The following LGALS3BP variants were observed in gnomAD, a reference collection of about 807,000 sequenced individuals.
LGALS3BP encodes galectin-3-binding protein.
In LGALS3BP, 25 loss-of-function variants were observed where a neutral mutation model predicts 22.9. The observed-to-expected ratio is 1.09, with a 90% CI of 0.80 to 1.53. LGALS3BP has a LOEUF of 1.53. LGALS3BP is among the 40% of genes most tolerant of loss of function. The pLI, the probability that LGALS3BP is intolerant of heterozygous loss-of-function variation, is 0.00. For missense variants in LGALS3BP, 718 were observed against 752.0 expected (o/e 0.95, Z 0.53); for synonymous variants, 335 against 331.1 (o/e 1.01, Z -0.13).
At position 78,971,904 on chromosome 17, in the gene LGALS3BP, G is replaced by C. The variant is rs1249503578; in HGVS notation, c.1430C>G (p.Ser477Cys). ...GGTGGGGAGGTAGACCAGGGACCAGGACACCCTCTTGTCCTGGAAGAGGAA... is the reference window on the plus strand; with the variant it reads ...GGTGGGGAGGTAGACCAGGGACCAGCACACCCTCTTGTCCTGGAAGAGGAA... ...PSFLFQDKRV[S>C]WSLVYLPTIQ... The change falls in exon 6 of 6, where the codon TCC becomes TGC. Residue 477 changes from serine (S) to cysteine (C), a missense_variant. Ser to Cys is a moderately radical substitution (Grantham distance 112). Coordinates refer to ENST00000262776, the MANE Select transcript of LGALS3BP (RefSeq NM_005567.4). The surrounding 1 kb of genome is among the most constrained non-coding windows in gnomAD (Gnocchi z 5.6). 6.2e-7 allele frequency: 1 copy of C among 1,614,066 alleles called. No individual in the cohort carries two copies. Among genetic ancestry groups the C allele is most frequent in the Non-Finnish European group, 8.5e-7 (1 of 1,180,042 alleles).
chr17:78,974,866 C>T (rs780196421), intron 3 of LGALS3BP, 47 bp from the exon 4 acceptor site: 1 of 1,600,676 alleles, frequency 6.2e-7, no homozygotes, highest in East Asian at 2.2e-5. Flanking sequence ...CGACTGCACC[C>T]AGGAGTCCCA....
At position 78,976,254 on chromosome 17, in the gene LGALS3BP, C is replaced by A; in HGVS notation, c.53-98G>T. On this transcript the variant is annotated intron_variant, in intron 2 of 5. Coordinates refer to ENST00000262776, the MANE Select transcript of LGALS3BP (RefSeq NM_005567.4). The surrounding 1 kb of genome is among the most constrained non-coding windows in gnomAD (Gnocchi z 4.6). ...GCTGTCCTGGGTCTCCCCTGCTGAG[C>A]TTGTATTTCAGGGCTTCAAGGTCCC... The A allele has an allele frequency of 2.6e-6, 3 of 1,137,626 alleles. No individual in the cohort carries two copies. Among genetic ancestry groups the A allele is most frequent in the Middle Eastern group, 2.4e-4 (1 of 4,244 alleles). 70.5% of individuals were successfully genotyped at this position (1,137,626 alleles called of 1,614,324 possible).
intron 2 of LGALS3BP, 59 bp downstream of exon 2, chr17:78,977,081 C>A: frequency 6.3e-7 from 1 of 1,575,120 alleles, no homozygotes. Context: ...CTGAGCAGCC[C>A]CAGGGTGCAC....
Position 78,971,595 on chromosome 17 carries a change from T to C in LGALS3BP, c.1739A>G (p.Asn580Ser), listed in dbSNP as rs201810212. ...RTVIRPFYLT[N>S]SSGVD ...CGCCGTCTAGTCCACACCTGAGGAGTTGGTCAGGTAGAAGGGGCGGATGAC... is the reference window on the plus strand; with the variant it reads ...CGCCGTCTAGTCCACACCTGAGGAGCTGGTCAGGTAGAAGGGGCGGATGAC... Residue 580 changes from asparagine (N) to serine (S), a missense_variant, in exon 6 of 6, where the codon AAC becomes AGC. Coordinates refer to ENST00000262776, the MANE Select transcript of LGALS3BP (RefSeq NM_005567.4). This position sits in a 1 kb window ranked among gnomAD's most constrained non-coding sequence, Gnocchi z 5.6. 107 of 1,613,034 alleles carry C rather than the reference T, an allele frequency of 6.6e-5. No individual in the cohort carries two copies. The Admixed American group carries it at 8.8e-4, about 13-fold the overall frequency.
At position 78,972,037 on chromosome 17, in the gene LGALS3BP, G is replaced by T; in HGVS notation, c.1297C>A (p.Gln433Lys). The change falls in exon 6 of 6, where the codon CAG becomes AAG. Residue 433 changes from glutamine (Q) to lysine (K), a missense_variant. Transcript: ENST00000262776. This position sits in a 1 kb window ranked among gnomAD's most constrained non-coding sequence, Gnocchi z 5.1. Reference protein sequence around the residue: ...WSARKSQLVYQSRRGPLVKYS... With the variant: ...WSARKSQLVYKSRRGPLVKYS... Reference sequence around the variant, plus strand: ...TTGACCAAAGGCCCCCGTCTGGACTGATAGACCAGTTGTGACTTCCGTGCA... The same window carrying T: ...TTGACCAAAGGCCCCCGTCTGGACTTATAGACCAGTTGTGACTTCCGTGCA... 1 of 1,614,116 alleles carries T rather than the reference G, an allele frequency of 6.2e-7. No homozygotes were observed. Among genetic ancestry groups the T allele is most frequent in the South Asian group, 1.1e-5 (1 of 91,084 alleles).
chr17:78,977,543 G>A (rs2070732031), intron 1 of LGALS3BP: 1 of 295,618 alleles, frequency 3.4e-6, no homozygotes, highest in Non-Finnish European at 6.4e-6. Flanking sequence ...CAGGCCCCGG[G>A]CAAGGCTGCC....
Position 78,973,236 on chromosome 17 carries a change from G to T in LGALS3BP, c.377-14C>A. On this transcript the variant is annotated splice_polypyrimidine_tract_variant and intron_variant, in intron 4 of 5. Coordinates refer to ENST00000262776, the MANE Select transcript of LGALS3BP (RefSeq NM_005567.4). The surrounding 1 kb of genome is among the most constrained non-coding windows in gnomAD (Gnocchi z 5.8). ...TGCTCCTGGTTTCTAAGAAGGGGCG[G>T]GAGGGAAGTGGGCTGCGTTAGGAGC... 1 of 1,507,000 alleles carries T rather than the reference G, an allele frequency of 6.6e-7. No homozygotes were observed. 93.4% of individuals were successfully genotyped at this position (1,507,000 alleles called of 1,614,324 possible).
intron 1 of LGALS3BP, 152 bp from the exon 2 acceptor site, chr17:78,977,366 T>C (rs2070730398): frequency 1.6e-6 from 1 of 631,056 alleles, no homozygotes; most frequent in South Asian, 1.9e-5. Context: ...CCAGTAAGTG[T>C]GACGTGTGCT....
chr17:78,977,395 G>T, intron 1 of LGALS3BP, 181 bp from the exon 2 acceptor site: 3 of 588,070 alleles, frequency 5.1e-6, no homozygotes, highest in Non-Finnish European at 9.0e-6. Flanking sequence ...CCCCGCGGGG[G>T]CCCCTCACCT....
Position 78,972,549 on chromosome 17 carries a change from T to C in LGALS3BP, c.785A>G (p.Asp262Gly). ...TGTGGCCACTGCATAGGCATACAGGTCCAGGGGCATCTGGAACGAGGGGTC... is the reference window on the plus strand; with the variant it reads ...TGTGGCCACTGCATAGGCATACAGGCCCAGGGGCATCTGGAACGAGGGGTC... ...PQDPSFQMPL[D>G]LYAYAVATGD... The change falls in exon 6 of 6, where the codon GAC becomes GGC. Residue 262 changes from aspartate (D) to glycine (G), a missense_variant. Coordinates refer to ENST00000262776, the MANE Select transcript of LGALS3BP (RefSeq NM_005567.4). This position sits in a 1 kb window ranked among gnomAD's most constrained non-coding sequence, Gnocchi z 5.1. 6.2e-7 allele frequency: 1 copy of C among 1,605,838 alleles called. No homozygotes were observed. Among genetic ancestry groups the C allele is most frequent in the East Asian group, 2.2e-5 (1 of 44,668 alleles).
intron 1 of LGALS3BP, among the ~76,000 whole-genome samples, chr17:78,978,403 C>G (rs908521532): frequency 6.6e-6 from 1 of 152,218 alleles, no homozygotes; most frequent in African/African-American, 2.4e-5. Flanking sequence ...GAGGCCTTAC[C>G]GTGACCCTGA....
rs1225163971 is a variant in LGALS3BP, at chr17:78,971,717, G to T, written c.1617C>A (p.Gly539=). ...LFVADVTDFE[G]WKAAIPSALD... ...GGGCACTGGGAATCGCAGCCTTCCA[G>T]CCCTCGAAATCGGTGACGTCTGCCA... Residue 539 remains glycine, a synonymous_variant, in exon 6 of 6, where the codon GGC becomes GGA. Transcript: ENST00000262776. The surrounding 1 kb of genome is among the most constrained non-coding windows in gnomAD (Gnocchi z 5.6). 6.2e-7 allele frequency: 1 copy of T among 1,613,922 alleles called. No individual in the cohort carries two copies. Among genetic ancestry groups the T allele is most frequent in the Admixed American group, 1.7e-5 (1 of 60,002 alleles).
chr17:78,973,171 A>G lies in LGALS3BP; in HGVS notation c.428T>C (p.Leu143Pro). 1 of 1,602,412 alleles carries G rather than the reference A, an allele frequency of 6.2e-7. No homozygotes were observed. The highest frequency in any genetic ancestry group is 1.7e-5 in the Admixed American group (1 of 58,300). ...LDLSRELSEA[L>P]GQIFDSQRGC... The stretch of plus-strand genomic sequence containing the variant: ...CCGCTGGCTGTCAAAGATCTGGCCA[A>G]GGGCCTCCGAGAGCTCCCTGGAGAG... Residue 143 changes from leucine to proline, a missense_variant, in exon 5 of 6, where the codon CTT becomes CCT. Transcript: ENST00000262776. The surrounding 1 kb of genome is among the most constrained non-coding windows in gnomAD (Gnocchi z 5.8).
rs188634393 is a variant in LGALS3BP, at chr17:78,978,387, C to A, written c.-23-1173G>T. 3.0e-4 allele frequency among the ~76,000 whole-genome samples: 45 copies of A among 152,340 alleles called. No homozygotes were observed. In the East Asian group the frequency reaches 7.7e-3, roughly 26 times the overall value. The stretch of plus-strand genomic sequence containing the variant: ...ACCCCTTGTCGGGGCTCCCCGGGCA[C>A]CACTGGAGGCCTTACCGTGACCCTG... On this transcript the variant is annotated intron_variant, in intron 1 of 5. Transcript: ENST00000262776.
At position 78,972,502 on chromosome 17, in the gene LGALS3BP, G is replaced by C. The variant is rs2070682506; in HGVS notation, c.832C>G (p.Leu278Val). The C allele has an allele frequency of 6.2e-7, 1 of 1,612,962 alleles. No individual in the cohort carries two copies. The highest frequency in any genetic ancestry group is 1.7e-5 in the Admixed American group (1 of 59,998). Residue 278 changes from leucine to valine, a missense_variant, in exon 6 of 6, where the codon CTC becomes GTC. Leu to Val is a conservative substitution (Grantham distance 32). Transcript: ENST00000262776. The surrounding 1 kb of genome is among the most constrained non-coding windows in gnomAD (Gnocchi z 5.1). ...VATGDALLEK[L>V]CLQFLAWNFE... is the part of the protein sequence containing the mutation. ...TTCCAGGCCAGGAACTGTAGGCAGA[G>C]CTTCTCCAGCAGGGCGTCCCCTGTG...
At position 78,972,592 on chromosome 17, in the gene LGALS3BP, C is replaced by A; in HGVS notation, c.742G>T (p.Ala248Ser). 1.9e-6 allele frequency: 3 copies of A among 1,597,086 alleles called. No homozygotes were observed. The highest frequency in any genetic ancestry group is 1.1e-5 in the South Asian group (1 of 89,214). The change falls in exon 6 of 6, where the codon GCC (alanine) becomes TCC (serine). Residue 248 changes from alanine to serine, a missense_variant. By Grantham distance (99) the Ala-to-Ser change is moderately conservative. Transcript: ENST00000262776. This position sits in a 1 kb window ranked among gnomAD's most constrained non-coding sequence, Gnocchi z 5.1. Reference protein sequence around the residue: ...QLQGYCASLFAILLPQDPSFQ... With the variant: ...QLQGYCASLFSILLPQDPSFQ... ...GAGGGGTCCTGGGGGAGGAGGATGG[C>A]AAAGAGGCTTGCGCAGTAGCCCTGC... is the stretch of plus-strand genomic sequence containing the variant.
At chr17:78,974,880 C>G in intron 3 of LGALS3BP, 61 bp from the exon 4 acceptor site, 2 of 1,590,274 alleles carry the variant, frequency 1.3e-6, no homozygotes, top group Non-Finnish European at 1.7e-6. Flanking sequence ...AGTCCCACAG[C>G]GCGACTCAGC....
At chr17:78,979,327 C>T (rs1385075484) in intron 1 of LGALS3BP, 1 of 152,322 alleles carries the variant, frequency 6.6e-6, no homozygotes, top group Non-Finnish European at 1.5e-5. Flanking sequence ...AGTAATCTGC[C>T]CAACTGTACA....
rs778108605 is a variant in LGALS3BP, at chr17:78,976,101, G to A, written c.108C>T (p.Arg36=). Residue 36 remains arginine (R), a synonymous_variant, in exon 3 of 6, where the codon CGC becomes CGT. Transcript: ENST00000262776. The surrounding 1 kb of genome is among the most constrained non-coding windows in gnomAD (Gnocchi z 4.6). ...ACTGGCCTCTGTAGAAGATCTCCAC[G>A]CGGCCCTGGTTGGTGGCGCCCCCAT... is the stretch of plus-strand genomic sequence containing the variant. ...LADGGATNQG[R]VEIFYRGQWG... is the part of the protein sequence containing the mutation. 34 of 1,604,272 alleles carry A rather than the reference G, an allele frequency of 2.1e-5. No individual in the cohort carries two copies. The South Asian group carries it at 2.7e-4, about 13-fold the overall frequency.
Sources: allele counts gnomAD v4.1 joint callset (sites outside exome capture counted in the v4.1 genomes callset), GRCh38; gene constraint gnomAD v4.1.1; non-coding constraint Gnocchi (gnomAD v3.1); transcripts MANE v1.5; gene names NCBI Gene and HGNC (gene_info 2026-07-23, HGNC 2026-07-21).